KCNIP1: variants seen among roughly 807,000 people sequenced by gnomAD.
KCNIP1 encodes the protein potassium voltage-gated channel interacting protein 1.
A neutral mutation model predicts 33.0 loss-of-function variants in KCNIP1; 18 were observed. The observed-to-expected ratio is 0.55, with a 90% CI of 0.38 to 0.81. The LOEUF (loss-of-function observed/expected upper bound fraction) is 0.81. Ranked by LOEUF, KCNIP1 falls within the 30% of genes least tolerant of loss-of-function variation. The probability of loss-of-function intolerance (pLI) is 0.00; values close to 1 mark genes in which losing one functional copy is unlikely to be tolerated. For missense variants in KCNIP1, 238 were observed against 271.6 expected (o/e 0.88, Z 0.87); for synonymous variants, 93 against 98.3 (o/e 0.95, Z 0.32).
At chr5:170,734,676 G>A (rs1764319972) in intron 7 of KCNIP1, among the ~76,000 whole-genome samples, 1 of 152,164 alleles carries the variant, frequency 6.6e-6, no homozygotes, top group African/African-American at 2.4e-5. Context: ...GAGTTACTCT[G>A]AGCTCCAGCC....
chr5:170,368,975 C>A (rs540135600), intron 1 of KCNIP1, among the ~76,000 whole-genome samples: 1 of 152,146 alleles, frequency 6.6e-6, no homozygotes, highest in Non-Finnish European at 1.5e-5. Flanking sequence ...GAGACAGAGA[C>A]AGAGAGAAAA....
chr5:170,586,809 G>A (rs1374024708), intron 1 of KCNIP1, among the ~76,000 whole-genome samples: 1 of 152,220 alleles, frequency 6.6e-6, no homozygotes, highest in African/African-American at 2.4e-5. Context: ...CATTGTGTGT[G>A]CTTCTGGAGG....
At chr5:170,424,854 C>T (rs914662711) in intron 1 of KCNIP1, among the ~76,000 whole-genome samples, 3 of 152,236 alleles carry the variant, frequency 2.0e-5, no homozygotes, top group Admixed American at 6.5e-5. Flanking sequence ...TGATATGGCC[C>T]CTGCCAACAT....
chr5:170,375,945 A>G (rs1763984515), intron 1 of KCNIP1: 1 of 152,172 alleles, frequency 6.6e-6, no homozygotes, highest in Non-Finnish European at 1.5e-5. Context: ...TTGAACCCAA[A>G]CAGTGCACAT....
intron 1 of KCNIP1, among the ~76,000 whole-genome samples, chr5:170,686,038 G>T (rs745697426): frequency 5.3e-5 from 8 of 152,118 alleles, no homozygotes; most frequent in Non-Finnish European, 8.8e-5. Context: ...GAAAGTACTT[G>T]TTGCTGGCCT....
intron 1 of KCNIP1, among the ~76,000 whole-genome samples, chr5:170,473,570 G>A (rs921407788): frequency 2.0e-5 from 3 of 152,218 alleles, no homozygotes; most frequent in South Asian, 2.1e-4. Flanking sequence ...ACCTCACACC[G>A]AAGTCTAAGG....
chr5:170,488,819 T>G (rs964915755), intron 1 of KCNIP1, among the ~76,000 whole-genome samples: 3 of 152,044 alleles, frequency 2.0e-5, no homozygotes, highest in African/African-American at 7.3e-5. Flanking sequence ...AGCATCCACG[T>G]GAGCAAATGC....
intron 1 of KCNIP1, among the ~76,000 whole-genome samples, chr5:170,631,247 G>A (rs1281357363): frequency 6.6e-6 from 1 of 152,102 alleles, no homozygotes; most frequent in Non-Finnish European, 1.5e-5. Flanking sequence ...CTGTGAAATG[G>A]GTGTTAGAAT....
chr5:170,654,413 C>G (rs189599572), intron 1 of KCNIP1, among the ~76,000 whole-genome samples: 1 of 152,262 alleles, frequency 6.6e-6, no homozygotes, highest in East Asian at 1.9e-4. Context: ...ATTGTATGTA[C>G]TATTCTAGTC....
chr5:170,363,655 C>A (rs1446776762), intron 1 of KCNIP1, among the ~76,000 whole-genome samples: 2 of 152,218 alleles, frequency 1.3e-5, no homozygotes, highest in African/African-American at 4.8e-5. Flanking sequence ...AATACAGCCC[C>A]ATAGACCATT....
chr5:170,413,053 G>A (rs889028943), intron 1 of KCNIP1, among the ~76,000 whole-genome samples: 6 of 152,230 alleles, frequency 3.9e-5, no homozygotes, highest in Admixed American at 6.5e-5. Context: ...AGCGCTGGGC[G>A]TAGTAAGTGC....
At chr5:170,588,671 T>A (rs973440467) in intron 1 of KCNIP1, among the ~76,000 whole-genome samples, 2 of 152,132 alleles carry the variant, frequency 1.3e-5, no homozygotes, top group Non-Finnish European at 2.9e-5. Context: ...GAAGAAAATA[T>A]AAGATATTCC....
At chr5:170,377,798 T>G (rs1764068767) in intron 1 of KCNIP1, 1 of 152,192 alleles carries the variant, frequency 6.6e-6, no homozygotes, top group Admixed American at 6.5e-5. Flanking sequence ...GGTCTTGATC[T>G]CCTGACCTCG....
intron 1 of KCNIP1, among the ~76,000 whole-genome samples, chr5:170,666,862 G>C (rs533423182): frequency 1.3e-5 from 2 of 152,334 alleles, no homozygotes; most frequent in Admixed American, 1.3e-4. Context: ...AGGAGCCAGG[G>C]TGTGTCCTCC....
chr5:170,511,548 C>G (rs180681899), intron 1 of KCNIP1, among the ~76,000 whole-genome samples: 1 of 152,326 alleles, frequency 6.6e-6, no homozygotes, highest in Non-Finnish European at 1.5e-5. Context: ...ATGGTAAAAG[C>G]AATTCCCAAC....
intron 1 of KCNIP1, among the ~76,000 whole-genome samples, chr5:170,357,988 G>A (rs1216174810): frequency 6.6e-6 from 1 of 152,200 alleles, no homozygotes; most frequent in African/African-American, 2.4e-5. Context: ...CCCAGCTCCT[G>A]GCTCGGATGC....
chr5:170,378,277 C>T (rs895819005), intron 1 of KCNIP1: 1 of 166,146 alleles, frequency 6.0e-6, no homozygotes, highest in African/African-American at 2.4e-5. Flanking sequence ...TGCTGTTGCT[C>T]TTATTAGAGA....
chr5:170,734,755 CAAGCACA>C (rs1157557709), intron 7 of KCNIP1, among the ~76,000 whole-genome samples: 1 of 152,234 alleles, frequency 6.6e-6, no homozygotes, highest in Non-Finnish European at 1.5e-5. Context: ...CATCAAGTTT[CAAGCACA>C]TACATAAACA....
intron 1 of KCNIP1, chr5:170,374,926 G>T (rs1383036800): frequency 1.3e-5 from 2 of 152,100 alleles, no homozygotes; most frequent in African/African-American, 4.8e-5. Context: ...TGGGACAGTG[G>T]GGGTTAGGCA....
Sources: allele counts gnomAD v4.1 joint callset (sites outside exome capture counted in the v4.1 genomes callset), GRCh38; gene constraint gnomAD v4.1.1; transcripts MANE v1.5; gene names NCBI Gene and HGNC (gene_info 2026-07-23, HGNC 2026-07-21).